The following CIMAP1D variants were observed in gnomAD, a reference collection of about 807,000 sequenced individuals.
CIMAP1D encodes the protein protein CIMAP1D.
chr19:485,637 G>C, the CIMAP1D span, among the ~76,000 whole-genome samples: 2 of 152,214 alleles, frequency 1.3e-5, no homozygotes, highest in African/African-American at 2.4e-5. Flanking sequence ...AAAGCACCGG[G>C]AGGGCAGGTG....
At chr19:463,983 C>T in the CIMAP1D span, 14 of 1,610,220 alleles carry the variant, frequency 8.7e-6, no homozygotes, top group South Asian at 1.4e-4. Context: ...CTGCTCTGGG[C>T]AGTGGGCGCC....
chr19:463,883 G>A, the CIMAP1D span: 18 of 1,610,904 alleles, frequency 1.1e-5, no homozygotes, highest in Admixed American at 1.7e-5. Flanking sequence ...CCGCAGGCCG[G>A]GAGGGCGTGG....
the CIMAP1D span, among the ~76,000 whole-genome samples, chr19:486,531 G>A: frequency 2.0e-5 from 3 of 151,874 alleles, no homozygotes; most frequent in Non-Finnish European, 4.4e-5. Flanking sequence ...ACCTCCGCCT[G>A]GTGGGTTCAG....
At chr19:466,400 GGATACAAGGTTAGGTAGAT>G in the CIMAP1D span, among the ~76,000 whole-genome samples, 1 of 144,596 alleles carries the variant, frequency 6.9e-6, no homozygotes, top group Non-Finnish European at 1.5e-5. Flanking sequence ...ATGGATGGGT[GGATACAAGGTTAGGTAGAT>G]GGTGGATGGA....
chr19:484,291 C>T, the CIMAP1D span, among the ~76,000 whole-genome samples: 8 of 151,896 alleles, frequency 5.3e-5, no homozygotes. Flanking sequence ...CAGGTGTGCG[C>T]CACCACGCCC....
the CIMAP1D span, among the ~76,000 whole-genome samples, chr19:486,018 G>A: frequency 9.2e-5 from 14 of 152,174 alleles, no homozygotes; most frequent in South Asian, 1.0e-3. Context: ...TGTTCTTCCC[G>A]CAAGGACACA....
chr19:485,118 G>A, the CIMAP1D span, among the ~76,000 whole-genome samples: 31,569 of 151,778 alleles, frequency 0.21, 3,825 homozygotes, highest in South Asian at 0.35. Context: ...GGAAGGGCGG[G>A]TGCAACCTCA....
the CIMAP1D span, chr19:463,745 C>T: frequency 6.7e-7 from 1 of 1,487,752 alleles, no homozygotes; most frequent in Non-Finnish European, 9.0e-7. Context: ...GGGAAGACTC[C>T]TTTCCCAGCC....
chr19:479,101 A>G, the CIMAP1D span, among the ~76,000 whole-genome samples: 3 of 152,210 alleles, frequency 2.0e-5, no homozygotes, highest in Non-Finnish European at 2.9e-5. Context: ...CTGGGGGGCT[A>G]TATGAGTAGA....
chr19:465,132 T>G, the CIMAP1D span, among the ~76,000 whole-genome samples: 2 of 97,954 alleles, frequency 2.0e-5, no homozygotes, highest in Non-Finnish European at 3.9e-5. Flanking sequence ...GGTTGATGAG[T>G]GGATGGATGG....
At chr19:469,516 C>T in the CIMAP1D span, among the ~76,000 whole-genome samples, 3 of 151,956 alleles carry the variant, frequency 2.0e-5, no homozygotes, top group Admixed American at 6.6e-5. Flanking sequence ...ATGGTGAAAC[C>T]CTGTCTCTAC....
chr19:472,529 C>T, the CIMAP1D span: 2 of 1,472,352 alleles, frequency 1.4e-6, no homozygotes, highest in South Asian at 1.3e-5. Context: ...CAGGTCACCT[C>T]CTGGGCCCAG....
At chr19:467,766 G>A in the CIMAP1D span, 3 of 1,571,160 alleles carry the variant, frequency 1.9e-6, no homozygotes, top group Non-Finnish European at 2.6e-6. Flanking sequence ...GGTGGTGCTG[G>A]GGAGAGGAGC....
chr19:483,698 C>A, the CIMAP1D span, among the ~76,000 whole-genome samples: 1 of 152,206 alleles, frequency 6.6e-6, no homozygotes, highest in East Asian at 1.9e-4. Flanking sequence ...ACAGGGCCTG[C>A]GGAAGACCCT....
the CIMAP1D span, among the ~76,000 whole-genome samples, chr19:479,416 G>C: frequency 9.6e-5 from 14 of 146,060 alleles, no homozygotes; most frequent in African/African-American, 2.2e-4. Flanking sequence ...TTTTTTGGGG[G>C]GGGGGGGGAT....
At chr19:463,763 C>A in the CIMAP1D span, 54 of 1,521,164 alleles carry the variant, frequency 3.5e-5, no homozygotes, top group African/African-American at 6.3e-4. Flanking sequence ...GCCCCTCTCG[C>A]CTTCTAGCCC....
At chr19:472,751 G>A in the CIMAP1D span, 1 of 509,328 alleles carries the variant, frequency 2.0e-6, no homozygotes, top group Non-Finnish European at 3.5e-6. Flanking sequence ...CAGGGAGACT[G>A]GGGCCTGAGC....
the CIMAP1D span, among the ~76,000 whole-genome samples, chr19:472,107 A>G: frequency 1.3e-5 from 2 of 152,244 alleles, no homozygotes; most frequent in Admixed American, 6.5e-5. Flanking sequence ...GCCTGAGTCC[A>G]GGCAGCAAGG....
At chr19:478,907 G>C in the CIMAP1D span, among the ~76,000 whole-genome samples, 1 of 152,250 alleles carries the variant, frequency 6.6e-6, no homozygotes, top group African/African-American at 2.4e-5. Context: ...CCCTGCTCAG[G>C]TGCTGGGAAA....
Sources: gnomAD v4.1 joint callset for allele counts (sites outside exome capture counted in the v4.1 genomes callset) on GRCh38, gnomAD v4.1.1 for gene constraint, MANE v1.5 for transcripts, NCBI Gene and HGNC (gene_info 2026-07-23, HGNC 2026-07-21) for gene names.